The following VPS13B variants were observed in gnomAD, a reference collection of about 807,000 sequenced individuals.
VPS13B encodes vacuolar protein sorting 13 homolog B, also known as intermembrane lipid transfer protein VPS13B.
A neutral mutation model predicts 426.4 loss-of-function variants in VPS13B; 285 were observed. That is an observed-to-expected ratio of 0.67 (90% confidence interval 0.61 to 0.74). VPS13B has a LOEUF of 0.74. Among genes scored for constraint, VPS13B ranks in the 30% least tolerant of loss-of-function variants. VPS13B has a pLI of 0.00. For missense variants in VPS13B, 4,537 were observed against 4,782.6 expected, an observed-to-expected ratio of 0.95 and a Z score of 1.51; for synonymous variants, 1,676 against 1,676.4, an observed-to-expected ratio of 1.00 and a Z score of 0.01.
rs779210102 is a variant in VPS13B at position 99,699,551 on chromosome 8, C to G, written c.6073C>G (p.Pro2025Ala). Reference sequence around the variant, plus strand: ...GGATGTCAATTTGGATATATCAAAGCCTTTGAAAGCAAACCTGAGTTTCAC... The same window carrying G: ...GGATGTCAATTTGGATATATCAAAGGCTTTGAAAGCAAACCTGAGTTTCAC... ...PADVNLDISK[P>A]LKANLSFTKL... is the part of the protein sequence containing the mutation. The change falls in exon 36 of 62, where the codon CCT (proline) becomes GCT (alanine). Residue 2025 changes from proline (P) to alanine (A), a missense_variant. Coordinates refer to ENST00000357162, the MANE Select transcript of VPS13B (RefSeq NM_152564.5). The G allele has an allele frequency of 1.3e-5, 21 of 1,613,692 alleles. No homozygotes were observed. The highest frequency in any genetic ancestry group is 1.8e-5 in the Non-Finnish European group (21 of 1,179,982).
At chr8:99,028,316 G>A (rs1461391135) in intron 2 of VPS13B, among the ~76,000 whole-genome samples, 3 of 151,330 alleles carry the variant, frequency 2.0e-5, no homozygotes, top group African/African-American at 7.3e-5. Context: ...TCACCTCCCG[G>A]ACGGGGCGGC....
At position 99,140,856 on chromosome 8, in the gene VPS13B, A is replaced by C. The variant is rs550567894; in HGVS notation, c.1652-2118A>C. Among the ~76,000 whole-genome samples the C allele has an allele frequency of 3.3e-5, 5 of 152,232 alleles. No individual in the cohort carries two copies. The East Asian group carries it at 9.6e-4, about 29-fold the overall frequency. ...ATAAGCATCTTCTGACAATTATTTT[A>C]CTTTTTTTTATGGTACTTGAAAGCA... is the stretch of plus-strand genomic sequence containing the variant. On this transcript the variant is annotated intron_variant, in intron 12 of 61. Coordinates refer to ENST00000357162, the MANE Select transcript of VPS13B (RefSeq NM_152564.5).
At chr8:99,257,073 C>T (rs920143469) in intron 17 of VPS13B, among the ~76,000 whole-genome samples, 13 of 152,060 alleles carry the variant, frequency 8.5e-5, no homozygotes, top group African/African-American at 3.1e-4. Context: ...AAAGTTAGCA[C>T]CACACATGAA....
chr8:99,521,447 G>C (rs1385300054), intron 30 of VPS13B, among the ~76,000 whole-genome samples: 1 of 152,156 alleles, frequency 6.6e-6, no homozygotes, highest in African/African-American at 2.4e-5. Flanking sequence ...AAGCTATAAA[G>C]AAAAGCAAAC....
chr8:99,855,259 G>C (rs941752230), intron 56 of VPS13B, among the ~76,000 whole-genome samples: 2 of 152,096 alleles, frequency 1.3e-5, no homozygotes, highest in African/African-American at 4.8e-5. Context: ...TCGTGCACCT[G>C]TAGTCCCAGC....
At chr8:99,400,664 C>CT (rs546306290) in intron 21 of VPS13B, among the ~76,000 whole-genome samples, 9 of 151,962 alleles carry the variant, frequency 5.9e-5, no homozygotes, top group South Asian at 2.1e-4. Flanking sequence ...CATGGTATTA[C>CT]TTTTTTTTGT....
At chr8:99,650,117 A>T (rs1247090558) in intron 34 of VPS13B, among the ~76,000 whole-genome samples, 1 of 152,198 alleles carries the variant, frequency 6.6e-6, no homozygotes, top group African/African-American at 2.4e-5. Flanking sequence ...TTTCTAGTCC[A>T]TTAGCCAGGA....
At chr8:99,356,744 T>C (rs756508628) in intron 19 of VPS13B, among the ~76,000 whole-genome samples, 3 of 152,234 alleles carry the variant, frequency 2.0e-5, no homozygotes, top group Non-Finnish European at 4.4e-5. Context: ...CTACATGTAC[T>C]ATCCAACGAT....
intron 40 of VPS13B, among the ~76,000 whole-genome samples, chr8:99,767,493 CAAA>C (rs869220303): frequency 6.0e-4 from 20 of 33,328 alleles, no homozygotes; most frequent in African/African-American, 2.0e-3. Flanking sequence ...GCAACTCTCT[CAAA>C]AAAAAAAAAA....
chr8:99,414,076 G>A (rs1815848535), intron 21 of VPS13B, among the ~76,000 whole-genome samples: 1 of 152,184 alleles, frequency 6.6e-6, no homozygotes, highest in Admixed American at 6.5e-5. Flanking sequence ...CTCTTTGTAT[G>A]TCTCTAAGAA....
chr8:99,390,246 C>A (rs908907276), intron 20 of VPS13B, among the ~76,000 whole-genome samples: 1 of 151,832 alleles, frequency 6.6e-6, no homozygotes, highest in South Asian at 2.1e-4. Context: ...TACAGGCACC[C>A]GCCACCATGC....
At chr8:99,689,527 A>T (rs191298431) in intron 35 of VPS13B, among the ~76,000 whole-genome samples, 2 of 152,304 alleles carry the variant, frequency 1.3e-5, no homozygotes, top group Non-Finnish European at 2.9e-5. Context: ...GTCTCAAAAA[A>T]AAAGTTAGCG....
At chr8:99,314,440 G>A (rs942499926) in intron 19 of VPS13B, among the ~76,000 whole-genome samples, 3 of 152,162 alleles carry the variant, frequency 2.0e-5, no homozygotes, top group African/African-American at 7.2e-5. Context: ...GGTCCATTTA[G>A]TCTAAAGTAC....
chr8:99,227,442 G>A (rs2132846451), intron 17 of VPS13B, among the ~76,000 whole-genome samples: 1 of 152,150 alleles, frequency 6.6e-6, no homozygotes, highest in East Asian at 1.9e-4. Flanking sequence ...AAAATATTTT[G>A]TTATTTATAG....
At chr8:99,700,603 G>C (rs1832227184) in intron 36 of VPS13B, among the ~76,000 whole-genome samples, 1 of 152,200 alleles carries the variant, frequency 6.6e-6, no homozygotes, top group Non-Finnish European at 1.5e-5. Flanking sequence ...TAGCAAAGTG[G>C]GGTACAGACT....
chr8:99,373,387 A>G (rs1813298267), intron 19 of VPS13B, among the ~76,000 whole-genome samples: 1 of 151,996 alleles, frequency 6.6e-6, no homozygotes, highest in African/African-American at 2.4e-5. Flanking sequence ...GTCTATAATT[A>G]TCTTTATTAT....
chr8:99,407,501 C>A (rs972776102), intron 21 of VPS13B, among the ~76,000 whole-genome samples: 2 of 152,044 alleles, frequency 1.3e-5, no homozygotes, highest in Non-Finnish European at 2.9e-5. Context: ...AGAGATGTGA[C>A]CCCAGTCTCT....
chr8:99,248,385 C>T (rs1326073275), intron 17 of VPS13B, among the ~76,000 whole-genome samples: 1 of 151,920 alleles, frequency 6.6e-6, no homozygotes, highest in East Asian at 1.9e-4. Context: ...TTTTGAAGGA[C>T]TTTCTAAATA....
At chr8:99,478,448 T>TTTTTTTGTTTTTTTG (rs1819836064) in intron 24 of VPS13B, among the ~76,000 whole-genome samples, 1 of 10,390 alleles carries the variant, frequency 9.6e-5, no homozygotes, top group African/African-American at 3.8e-4. Context: ...TTTTGTTTTG[T>TTTTTTTGTTTTTTTG]TTTTTTTTTT....
Sources: gnomAD v4.1 joint callset for allele counts (sites outside exome capture counted in the v4.1 genomes callset) on GRCh38, gnomAD v4.1.1 for gene constraint, MANE v1.5 for transcripts, NCBI Gene and HGNC (gene_info 2026-07-23, HGNC 2026-07-21) for gene names.